Variants in RPS6KC1 observed in about 807,000 individuals in gnomAD.
RPS6KC1 encodes the protein inactive ribosomal protein S6 kinase delta-1.
RPS6KC1 carries 54 observed loss-of-function variants against 103.8 expected under a neutral mutation model. The ratio of observed to expected loss-of-function variants is 0.52; its 90% CI spans 0.42 to 0.65. RPS6KC1 has a LOEUF of 0.65. Among genes scored for constraint, RPS6KC1 ranks in the 30% least tolerant of loss-of-function variants. The pLI is 0.00. For missense variants in RPS6KC1, 1,151 were observed against 1,253.8 expected (o/e 0.92, Z 1.24); for synonymous variants, 439 against 438.7 (o/e 1.00, Z -0.01).
the RPS6KC1 span, among the ~76,000 whole-genome samples, chr1:213,424,805 C>T: frequency 6.6e-6 from 1 of 152,184 alleles, no homozygotes; most frequent in South Asian, 2.1e-4. Flanking sequence ...GTGTAGCAGC[C>T]CCTTCCCATC....
chr1:213,604,283 A>G, the RPS6KC1 span, among the ~76,000 whole-genome samples: 1 of 152,244 alleles, frequency 6.6e-6, no homozygotes, highest in Non-Finnish European at 1.5e-5. Context: ...AGCTTAGTGC[A>G]CGTGATTCAA....
At chr1:213,287,232 ATGTGTGTGTGTGTGTGTGTG>A in the RPS6KC1 span, among the ~76,000 whole-genome samples, 410 of 146,838 alleles carry the variant, frequency 2.8e-3, 2 homozygotes, top group African/African-American at 8.6e-3. Flanking sequence ...TGCCTATACA[ATGTGTGTGTGTGTGTGTGTG>A]TGTGTGTGTG....
intron 3 of RPS6KC1, among the ~76,000 whole-genome samples, chr1:213,085,077 C>A (rs2080258309): frequency 6.6e-6 from 1 of 152,214 alleles, no homozygotes; most frequent in Admixed American, 6.5e-5. Context: ...AGGCCAAAGT[C>A]TGAAATTGGT....
At chr1:213,117,570 G>T (rs1347325937) in intron 5 of RPS6KC1, among the ~76,000 whole-genome samples, 160 bp downstream of exon 5, 1 of 151,480 alleles carries the variant, frequency 6.6e-6, no homozygotes, top group Non-Finnish European at 1.5e-5. Flanking sequence ...CTGATGTTGG[G>T]TGCATGATAT....
chr1:213,746,388 G>A, the RPS6KC1 span, among the ~76,000 whole-genome samples: 1 of 152,196 alleles, frequency 6.6e-6, no homozygotes, highest in Non-Finnish European at 1.5e-5. Context: ...CCTAAAGTGA[G>A]GGGCACCTGG....
chr1:213,503,470 T>G, the RPS6KC1 span, among the ~76,000 whole-genome samples: 6 of 152,312 alleles, frequency 3.9e-5, no homozygotes, highest in East Asian at 9.6e-4. Flanking sequence ...GGGCTCTGGA[T>G]AAGGTGCCTG....
At chr1:213,527,227 A>G in the RPS6KC1 span, among the ~76,000 whole-genome samples, 1 of 152,224 alleles carries the variant, frequency 6.6e-6, no homozygotes, top group Non-Finnish European at 1.5e-5. Context: ...GGAGGAGACT[A>G]GTTAGGAGAT....
the RPS6KC1 span, among the ~76,000 whole-genome samples, chr1:213,643,958 A>G: frequency 7.2e-4 from 110 of 152,176 alleles, no homozygotes; most frequent in Admixed American, 1.0e-3. Context: ...TTCCTAGGAT[A>G]AACCATACCG....
chr1:213,172,942 T>A (rs2091588095), intron 7 of RPS6KC1, among the ~76,000 whole-genome samples: 1 of 152,202 alleles, frequency 6.6e-6, no homozygotes, highest in African/African-American at 2.4e-5. Context: ...TAGAAATACA[T>A]TGCTTCTCCC....
chr1:213,847,515 C>T, the RPS6KC1 span, among the ~76,000 whole-genome samples: 2 of 152,172 alleles, frequency 1.3e-5, no homozygotes, highest in South Asian at 4.1e-4. Context: ...TGTCAAATAT[C>T]TGTGAGGTCT....
At chr1:213,272,377 T>C in intron 14 of RPS6KC1, 147 bp from the exon 15 acceptor site, 1 of 628,610 alleles carries the variant, frequency 1.6e-6, no homozygotes. Context: ...TAGACATAGC[T>C]CCCTTTCAAG....
chr1:213,855,636 A>G, the RPS6KC1 span, among the ~76,000 whole-genome samples: 1 of 152,062 alleles, frequency 6.6e-6, no homozygotes, highest in Non-Finnish European at 1.5e-5. Context: ...TCTCTCTTGC[A>G]ACCTTTTTAG....
chr1:213,451,364 G>T, the RPS6KC1 span, among the ~76,000 whole-genome samples: 2 of 152,214 alleles, frequency 1.3e-5, no homozygotes, highest in Non-Finnish European at 1.5e-5. Flanking sequence ...TTTAAGCAAA[G>T]ATTCCTGGTA....
chr1:213,474,161 G>C, the RPS6KC1 span, among the ~76,000 whole-genome samples: 1 of 152,138 alleles, frequency 6.6e-6, no homozygotes, highest in Admixed American at 6.5e-5. Flanking sequence ...TAGCTCAACT[G>C]TTCCTGGGTT....
chr1:213,307,661 C>G, the RPS6KC1 span, among the ~76,000 whole-genome samples: 1 of 152,180 alleles, frequency 6.6e-6, no homozygotes, highest in Admixed American at 6.5e-5. Flanking sequence ...GCCACCTTTC[C>G]TTTTCAGTTC....
chr1:213,175,756 T>A (rs543467409), intron 7 of RPS6KC1, among the ~76,000 whole-genome samples: 52 of 152,312 alleles, frequency 3.4e-4, no homozygotes, highest in Admixed American at 3.4e-3. Context: ...GAAGAAAAAT[T>A]TCTTTCTCTT....
the RPS6KC1 span, among the ~76,000 whole-genome samples, chr1:213,590,080 G>A: frequency 6.6e-6 from 1 of 152,040 alleles, no homozygotes; most frequent in Admixed American, 6.6e-5. Flanking sequence ...TGCTAAGACT[G>A]TTTGCCATAC....
At chr1:213,230,437 A>T in intron 8 of RPS6KC1, 60 bp from the exon 9 acceptor site, 2 of 1,247,154 alleles carry the variant, frequency 1.6e-6, no homozygotes, top group East Asian at 2.5e-5. Flanking sequence ...TTTAGTTTAA[A>T]GCTAAGAGTT....
chr1:213,650,959 GGAGA>G, the RPS6KC1 span, among the ~76,000 whole-genome samples: 1 of 151,008 alleles, frequency 6.6e-6, no homozygotes, highest in Non-Finnish European at 1.5e-5. Flanking sequence ...GGGGAGAGGG[GGAGA>G]GAGAGAGAAA....
Sources: gnomAD v4.1 joint callset for allele counts (sites outside exome capture counted in the v4.1 genomes callset) on GRCh38, gnomAD v4.1.1 for gene constraint, MANE v1.5 for transcripts, NCBI Gene and HGNC (gene_info 2026-07-23, HGNC 2026-07-21) for gene names.